Variants in XKR4 observed in about 807,000 individuals in gnomAD.
The protein encoded by XKR4 is XK-related protein 4.
A neutral mutation model predicts 53.9 loss-of-function variants in XKR4; 12 were observed. The observed-to-expected ratio is 0.22, with a 90% CI of 0.14 to 0.36. XKR4 has a LOEUF of 0.36. XKR4 is among the 10% of genes least tolerant of loss of function. The pLI, the probability that XKR4 is intolerant of heterozygous loss-of-function variation, is 1.00. For synonymous variants in XKR4, 354 were observed against 362.4 expected (o/e 0.98, Z 0.26); for missense variants, 799 against 859.5 (o/e 0.93, Z 0.88).
In XKR4 at chr8:55,525,521, T is replaced by C. The variant is rs998152634; in HGVS notation, c.*1294T>C. 1 of 152,618 alleles carries C rather than the reference T, an allele frequency of 6.6e-6. No homozygotes were observed. The highest frequency in any genetic ancestry group is 2.4e-5 in the African/African-American group (1 of 41,442). The allele number at this position is 152,618 out of a possible 1,614,324, so 9.5% of individuals were successfully genotyped here. A position where few individuals can be genotyped will look rare whatever the true frequency, so the allele number is the denominator to read the frequency against. On this transcript the variant is annotated 3_prime_UTR_variant, in exon 3 of 3. Coordinates refer to ENST00000327381, the MANE Select transcript of XKR4 (RefSeq NM_052898.2). ...GCTTATCACTATATCCAGCTAAGAT[T>C]TGTATTTGAATCATCTGTAAAGTCG... is the stretch of plus-strand genomic sequence containing the variant.
rs367621232 is a variant in XKR4 at position 55,538,212 on chromosome 8, C to T, written c.*13985C>T. Reference sequence around the variant, plus strand: ...ATCTCTGCACAACTGAGCCCTAATCCCTGGTCCATCTCTCCAGCCTCAGAA... The same window carrying T: ...ATCTCTGCACAACTGAGCCCTAATCTCTGGTCCATCTCTCCAGCCTCAGAA... On this transcript the variant is annotated 3_prime_UTR_variant, in exon 3 of 3. Coordinates refer to ENST00000327381, the MANE Select transcript of XKR4 (RefSeq NM_052898.2). The T allele has an allele frequency of 2.0e-5, 3 of 152,314 alleles. 1 individual carries two copies. 9.4% of individuals were successfully genotyped at this position (152,314 alleles called of 1,614,324 possible).
intron 1 of XKR4, among the ~76,000 whole-genome samples, chr8:55,122,648 C>A (rs954857178): frequency 1.5e-4 from 23 of 152,144 alleles, no homozygotes; most frequent in African/African-American, 5.3e-4. Context: ...TTTTCGTGTG[C>A]TTCAAAGGAA....
chr8:55,304,372 T>C (rs1345815609), intron 1 of XKR4, among the ~76,000 whole-genome samples: 8 of 152,326 alleles, frequency 5.3e-5, no homozygotes, highest in African/African-American at 1.7e-4. Flanking sequence ...CAGTTTGTTA[T>C]AATTTGTGTT....
chr8:55,155,467 T>A (rs770821466), intron 1 of XKR4, among the ~76,000 whole-genome samples: 1 of 151,256 alleles, frequency 6.6e-6, no homozygotes, highest in Non-Finnish European at 1.5e-5. Flanking sequence ...ATATTACATA[T>A]GATGTAAAAT....
intron 2 of XKR4, among the ~76,000 whole-genome samples, chr8:55,371,648 T>C (rs763841118): frequency 5.3e-5 from 8 of 152,224 alleles, no homozygotes; most frequent in Admixed American, 5.2e-4. Context: ...GTGTTGGCCA[T>C]ATGGCTCCAC....
chr8:55,413,537 A>G (rs1391946978), intron 2 of XKR4, among the ~76,000 whole-genome samples: 2 of 152,310 alleles, frequency 1.3e-5, no homozygotes, highest in Admixed American at 1.3e-4. Context: ...TATCTCTTCC[A>G]TGACAATATT....
chr8:55,118,103 G>A (rs1816334966), intron 1 of XKR4, among the ~76,000 whole-genome samples: 1 of 151,976 alleles, frequency 6.6e-6, no homozygotes, highest in African/African-American at 2.4e-5. Context: ...ACATTTTATT[G>A]ACCTGGGCTA....
At chr8:55,345,867 A>G (rs1049795582) in intron 1 of XKR4, among the ~76,000 whole-genome samples, 1 of 152,118 alleles carries the variant, frequency 6.6e-6, no homozygotes, top group Non-Finnish European at 1.5e-5. Context: ...CCCTATGACC[A>G]TGACCCCTAA....
At position 55,541,549 on chromosome 8, in the gene XKR4, C is replaced by G. The variant is rs1320937263; in HGVS notation, c.*17322C>G. ...GCAAAAATGCCATTCCTGTGCTTCC[C>G]CCTCCATTACAGAATAAGGTCCGAG... On this transcript the variant is annotated 3_prime_UTR_variant, in exon 3 of 3. Coordinates refer to ENST00000327381, the MANE Select transcript of XKR4 (RefSeq NM_052898.2). 1 of 152,136 alleles carries G rather than the reference C, an allele frequency of 6.6e-6. No individual in the cohort carries two copies. Among genetic ancestry groups the G allele is most frequent in the Admixed American group, 6.5e-5 (1 of 15,270 alleles). The allele number at this position is 152,136 out of a possible 1,614,324, so 9.4% of individuals were successfully genotyped here. A position where few individuals can be genotyped will look rare whatever the true frequency, so the allele number is the denominator to read the frequency against.
At chr8:55,127,291 C>T (rs866309949) in intron 1 of XKR4, among the ~76,000 whole-genome samples, 11 of 148,946 alleles carry the variant, frequency 7.4e-5, no homozygotes, top group African/African-American at 9.9e-5. Context: ...CTCACTCTGT[C>T]GGCCAGACTG....
chr8:55,524,412 C>T lies in XKR4; in HGVS notation c.*185C>T, dbSNP rs972074671. ...GGTCTCCTTCCAAAGCAGCTGCACC[C>T]GAGAGTCTCTGACTCCACCTGAAAG... On this transcript the variant is annotated 3_prime_UTR_variant, in exon 3 of 3. Coordinates refer to ENST00000327381, the MANE Select transcript of XKR4 (RefSeq NM_052898.2). 5 of 622,152 alleles carry T rather than the reference C, an allele frequency of 8.0e-6. No individual in the cohort carries two copies. The highest frequency in any genetic ancestry group is 4.3e-4 in the Middle Eastern group (1 of 2,314). 38.5% of individuals were successfully genotyped at this position (622,152 alleles called of 1,614,324 possible).
intron 2 of XKR4, among the ~76,000 whole-genome samples, chr8:55,390,735 C>T (rs779378383): frequency 6.6e-6 from 1 of 151,684 alleles, no homozygotes; most frequent in Non-Finnish European, 1.5e-5. Context: ...GGCCCTGAAT[C>T]ACCTGGCACT....
chr8:55,523,268 T>A lies in XKR4; in HGVS notation c.1007-13T>A. On this transcript the variant is annotated splice_polypyrimidine_tract_variant and intron_variant, in intron 2 of 2. Coordinates refer to ENST00000327381, the MANE Select transcript of XKR4 (RefSeq NM_052898.2). ...TGATTTCTGACACACTGTCTTCCTG[T>A]TTGCCTTTGTAGGTTTCACAGCGGC... 6.3e-7 allele frequency: 1 copy of A among 1,577,176 alleles called. No individual in the cohort carries two copies.
chr8:55,368,606 C>A (rs1804027812), intron 2 of XKR4, among the ~76,000 whole-genome samples: 1 of 152,198 alleles, frequency 6.6e-6, no homozygotes, highest in African/African-American at 2.4e-5. Flanking sequence ...ACGCCCCCAT[C>A]TACTTACTCT....
At chr8:55,341,730 C>G (rs1344007677) in intron 1 of XKR4, among the ~76,000 whole-genome samples, 3 of 152,214 alleles carry the variant, frequency 2.0e-5, no homozygotes, top group Admixed American at 6.5e-5. Context: ...AACAGGCCGG[C>G]TTTCAAACTC....
rs533522131 is a variant in XKR4 at position 55,290,599 on chromosome 8, C to A, written c.807-67079C>A. On this transcript the variant is annotated intron_variant, in intron 1 of 2. Coordinates refer to ENST00000327381, the MANE Select transcript of XKR4 (RefSeq NM_052898.2). ...CTCCCCCTGCACCACCCCCAACAGG[C>A]CCCAGTGTGTGGTGTTCCCCTCCCT... 5.3e-5 allele frequency among the ~76,000 whole-genome samples: 8 copies of A among 152,080 alleles called. No individual in the cohort carries two copies. The East Asian group carries it at 1.5e-3, about 29-fold the overall frequency.
In XKR4 at chr8:55,498,488, G is replaced by A. The variant is rs546500305; in HGVS notation, c.1007-24793G>A. Reference sequence around the variant, plus strand: ...GGGTCACCTGGCTGCTGTGAAACGGGGTGATGCAGGGCCGGGCACAGTGGC... The same window carrying A: ...GGGTCACCTGGCTGCTGTGAAACGGAGTGATGCAGGGCCGGGCACAGTGGC... On this transcript the variant is annotated intron_variant, in intron 2 of 2. Transcript: ENST00000327381. Among the ~76,000 whole-genome samples the A allele has an allele frequency of 2.0e-5, 3 of 152,256 alleles. No individual in the cohort carries two copies. The South Asian group carries it at 6.2e-4, about 32-fold the overall frequency.
chr8:55,290,349 C>T (rs931584168), intron 1 of XKR4, among the ~76,000 whole-genome samples: 1 of 152,006 alleles, frequency 6.6e-6, no homozygotes, highest in African/African-American at 2.4e-5. Context: ...AAGCTGGTCT[C>T]GAACTCCTGA....
chr8:55,449,781 C>A lies in XKR4; in HGVS notation c.1007-73500C>A, dbSNP rs1382901967. The A allele has an allele frequency of 7.6e-6, 9 of 1,184,582 alleles. No individual in the cohort carries two copies. In the South Asian group the frequency reaches 8.5e-5, roughly 11 times the overall value. The allele number at this position is 1,184,582 out of a possible 1,614,324, so 73.4% of individuals were successfully genotyped here. A position where few individuals can be genotyped will look rare whatever the true frequency, so the allele number is the denominator to read the frequency against. On this transcript the variant is annotated intron_variant, in intron 2 of 2. Transcript: ENST00000327381. ...GTCTTGTCTAACATGAACCAGCGGG[C>A]CTTCCAGGGCTTCATGAAGGCCCCC...
Sources: allele counts gnomAD v4.1 joint callset (sites outside exome capture counted in the v4.1 genomes callset), GRCh38; gene constraint gnomAD v4.1.1; transcripts MANE v1.5; gene names NCBI Gene and HGNC (gene_info 2026-07-23, HGNC 2026-07-21).